Variants in SAMMSON observed in about 807,000 individuals in gnomAD.
SAMMSON encodes the protein long intergenic non-protein coding RNA 1212.
At chr3:70,381,735 A>G (rs571587666) in intron 9 of SAMMSON, among the ~76,000 whole-genome samples, 27 of 152,294 alleles carry the variant, frequency 1.8e-4, no homozygotes, top group South Asian at 1.2e-3. Context: ...CAAATCCAGA[A>G]TGAGGACATT....
chr3:70,063,390 A>G (rs1185154912), intron 3 of SAMMSON, among the ~76,000 whole-genome samples: 1 of 151,802 alleles, frequency 6.6e-6, no homozygotes, highest in Non-Finnish European at 1.5e-5. Flanking sequence ...TAGCTCTCCA[A>G]CCCCATTGGA....
At chr3:70,017,888 A>G (rs1321601791) in intron 3 of SAMMSON, among the ~76,000 whole-genome samples, 1 of 152,080 alleles carries the variant, frequency 6.6e-6, no homozygotes, top group African/African-American at 2.4e-5. Context: ...GATTATGTTT[A>G]TTGATTTGCA....
rs150911105 is a variant in SAMMSON at position 70,038,758 on chromosome 3, C to T, written n.417+25086C>T. 2.1e-3 allele frequency among the ~76,000 whole-genome samples: 312 copies of T among 152,194 alleles called. 2 individuals carry two copies. The highest frequency in any genetic ancestry group is 7.2e-3 in the African/African-American group (301 of 41,530). ...CTGGGAGCCCCACAGTCAGATGAAG[C>T]CTCTATGAATCAGAAGAGACTGAAT... On this transcript the variant is annotated intron_variant and non_coding_transcript_variant, in intron 3 of 9. Transcript: ENST00000642114.
intron 2 of SAMMSON, among the ~76,000 whole-genome samples, chr3:70,410,846 C>T (rs1353487108): frequency 6.6e-6 from 1 of 152,180 alleles, no homozygotes; most frequent in East Asian, 1.9e-4. Context: ...GGACAATGCA[C>T]AGCAATGACC....
At chr3:70,125,739 C>G in intron 4 of SAMMSON, 1 of 674,412 alleles carries the variant, frequency 1.5e-6, no homozygotes, top group Non-Finnish European at 2.7e-6. Context: ...GTGAAGGACA[C>G]GAAAGTATGT....
intron 4 of SAMMSON, among the ~76,000 whole-genome samples, chr3:70,148,527 T>C (rs1228180777): frequency 6.6e-6 from 1 of 152,096 alleles, no homozygotes; most frequent in Admixed American, 6.6e-5. Context: ...GGCTCACCAT[T>C]CTGCAGACTG....
chr3:70,028,787 T>G (rs2067053016), intron 3 of SAMMSON, among the ~76,000 whole-genome samples: 1 of 152,220 alleles, frequency 6.6e-6, no homozygotes, highest in South Asian at 2.1e-4. Context: ...GTGTCTCATG[T>G]TTTTCTAGTG....
At chr3:70,341,614 A>C (rs1702710867) in intron 7 of SAMMSON, among the ~76,000 whole-genome samples, 1 of 152,158 alleles carries the variant, frequency 6.6e-6, no homozygotes, top group Non-Finnish European at 1.5e-5. Context: ...AAGAAGACAA[A>C]ACCTCAAGAG....
chr3:70,013,758 A>T (rs749966939), intron 3 of SAMMSON: 7 of 152,200 alleles, frequency 4.6e-5, no homozygotes, highest in Non-Finnish European at 7.3e-5. Context: ...ATTTTTAAGA[A>T]TAGGTGTGGA....
intron 1 of SAMMSON, among the ~76,000 whole-genome samples, chr3:70,010,331 G>A (rs552660657): frequency 2.0e-5 from 3 of 152,128 alleles, no homozygotes; most frequent in East Asian, 1.9e-4. Flanking sequence ...TCCTGTATTG[G>A]GTGCATATAT....
intron 9 of SAMMSON, among the ~76,000 whole-genome samples, chr3:70,377,366 T>C (rs1315208039): frequency 6.6e-6 from 1 of 152,132 alleles, no homozygotes; most frequent in Non-Finnish European, 1.5e-5. Flanking sequence ...TAAGATGTAA[T>C]GAAGATGGTA....
chr3:70,394,457 C>T (rs935954157), downstream of SAMMSON, among the ~76,000 whole-genome samples: 9 of 152,000 alleles, frequency 5.9e-5, no homozygotes, highest in Non-Finnish European at 1.3e-4. Context: ...TTGGGCCAAG[C>T]GGACAAAGTT....
At chr3:70,262,535 C>A (rs540782965) in intron 6 of SAMMSON, among the ~76,000 whole-genome samples, 1 of 152,010 alleles carries the variant, frequency 6.6e-6, no homozygotes, top group Non-Finnish European at 1.5e-5. Flanking sequence ...TTCATGTGGG[C>A]CTTATTTACT....
intron 4 of SAMMSON, among the ~76,000 whole-genome samples, chr3:70,143,663 T>G (rs1247481833): frequency 3.3e-5 from 5 of 151,944 alleles, no homozygotes; most frequent in Non-Finnish European, 7.4e-5. Flanking sequence ...TGGGTGAGAG[T>G]AGAGGGTGTT....
At chr3:70,258,427 CAG>C (rs141152943) in intron 6 of SAMMSON, among the ~76,000 whole-genome samples, 13 of 150,584 alleles carry the variant, frequency 8.6e-5, no homozygotes, top group South Asian at 2.1e-4. Context: ...TATGTATTTA[CAG>C]AGAGAGAGAG....
intron 4 of SAMMSON, among the ~76,000 whole-genome samples, chr3:70,103,346 C>T (rs913991026): frequency 2.0e-5 from 3 of 152,120 alleles, no homozygotes; most frequent in Non-Finnish European, 4.4e-5. Flanking sequence ...AGGGAAGAAA[C>T]GAAGGCTATG....
intron 3 of SAMMSON, among the ~76,000 whole-genome samples, chr3:70,063,924 G>A (rs914839083): frequency 1.3e-5 from 2 of 152,004 alleles, no homozygotes; most frequent in Non-Finnish European, 2.9e-5. Flanking sequence ...TAATTTAAGG[G>A]CCACTGTCTA....
intron 6 of SAMMSON, among the ~76,000 whole-genome samples, chr3:70,261,875 A>G (rs1029323016): frequency 6.6e-6 from 1 of 152,116 alleles, no homozygotes; most frequent in African/African-American, 2.4e-5. Flanking sequence ...GGGGTTTGTT[A>G]TCCAAGAAGA....
At chr3:70,383,257 G>A (rs945010486) in intron 9 of SAMMSON, among the ~76,000 whole-genome samples, 12 of 151,322 alleles carry the variant, frequency 7.9e-5, no homozygotes, top group Non-Finnish European at 1.6e-4. Flanking sequence ...TCCCTAGCAG[G>A]GCTAGTATAC....
Sources: allele counts gnomAD v4.1 joint callset (sites outside exome capture counted in the v4.1 genomes callset), GRCh38; gene constraint gnomAD v4.1.1; transcripts MANE v1.5; gene names NCBI Gene and HGNC (gene_info 2026-07-23, HGNC 2026-07-21).